Variants in CBR4 observed in about 807,000 individuals in gnomAD.
The protein encoded by CBR4 is carbonyl reductase 4, also known as 3-oxoacyl-[acyl-carrier-protein] reductase.
CBR4 carries 22 observed loss-of-function variants against 21.0 expected under a neutral mutation model. The ratio of observed to expected loss-of-function variants is 1.05; its 90% CI spans 0.75 to 1.50. The LOEUF is 1.50. Among genes scored for constraint, CBR4 ranks in the 40% most tolerant of loss-of-function variants. The probability of loss-of-function intolerance (pLI) is 0.00; values close to 1 mark genes in which losing one functional copy is unlikely to be tolerated. For synonymous variants in CBR4, 100 were observed against 104.4 expected, an observed-to-expected ratio of 0.96 and a Z score of 0.26; for missense variants, 302 against 286.3, an observed-to-expected ratio of 1.05 and a Z score of -0.40.
chr4:168,950,544 A>G (rs185083084), intron 2 of CBR4, among the ~76,000 whole-genome samples: 1 of 152,224 alleles, frequency 6.6e-6, no homozygotes, highest in South Asian at 2.1e-4. Flanking sequence ...AATTCCATGC[A>G]CTGCTGAATG....
At chr4:168,961,637 C>A (rs1314385106) in intron 2 of CBR4, among the ~76,000 whole-genome samples, 1 of 152,082 alleles carries the variant, frequency 6.6e-6, no homozygotes, top group Non-Finnish European at 1.5e-5. Context: ...TGCCTGTAAT[C>A]CCAGCACTTT....
At chr4:168,942,403 T>A (rs898213987) in intron 2 of CBR4, among the ~76,000 whole-genome samples, 13 of 147,390 alleles carry the variant, frequency 8.8e-5, no homozygotes, top group Non-Finnish European at 1.5e-4. Flanking sequence ...AAGTACAATT[T>A]AAAAAAAAAG....
chr4:168,979,323 A>AT (rs143788190), intron 2 of CBR4, among the ~76,000 whole-genome samples: 4,254 of 152,190 alleles, frequency 0.028, 192 homozygotes, highest in African/African-American at 0.097. Flanking sequence ...CTGGCTTGGA[A>AT]TGGAAAGAAG....
intron 2 of CBR4, among the ~76,000 whole-genome samples, chr4:168,919,578 A>T (rs1408080404): frequency 6.6e-6 from 1 of 152,100 alleles, no homozygotes; most frequent in Non-Finnish European, 1.5e-5. Flanking sequence ...TCAGGAAAAA[A>T]AAAAAGTTAG....
intron 2 of CBR4, among the ~76,000 whole-genome samples, chr4:168,980,184 G>C (rs991476972): frequency 2.6e-5 from 4 of 151,838 alleles, no homozygotes; most frequent in Admixed American, 2.6e-4. Flanking sequence ...GGGCTGCAGT[G>C]CCAAGCCTGG....
intron 2 of CBR4, among the ~76,000 whole-genome samples, chr4:168,979,434 A>C (rs1764473152): frequency 6.6e-6 from 1 of 152,082 alleles, no homozygotes; most frequent in Non-Finnish European, 1.5e-5. Context: ...GCTACTCCTT[A>C]CTACACAGGG....
intron 2 of CBR4, among the ~76,000 whole-genome samples, chr4:168,962,814 G>C (rs1763901480): frequency 6.6e-6 from 1 of 151,918 alleles, no homozygotes; most frequent in African/African-American, 2.4e-5. Context: ...GCAGAGTAAA[G>C]GAGCACATAA....
At chr4:168,943,226 C>T (rs1173257346) in intron 2 of CBR4, among the ~76,000 whole-genome samples, 3 of 152,174 alleles carry the variant, frequency 2.0e-5, no homozygotes, top group African/African-American at 4.8e-5. Context: ...TACAAAGCCG[C>T]TGACAAAAGG....
chr4:169,006,543 A>G (rs1252519311), intron 3 of CBR4, among the ~76,000 whole-genome samples: 1 of 152,194 alleles, frequency 6.6e-6, no homozygotes, highest in African/African-American at 2.4e-5. Flanking sequence ...TCTAGTACTC[A>G]GTGGTGTCAC....
chr4:168,981,126 G>A (rs1032811315), intron 2 of CBR4, among the ~76,000 whole-genome samples: 17 of 152,174 alleles, frequency 1.1e-4, no homozygotes, highest in Non-Finnish European at 2.1e-4. Context: ...CAGGCCAGGC[G>A]TGGTGGCTCG....
intron 2 of CBR4, among the ~76,000 whole-genome samples, chr4:168,949,632 A>G (rs1283982828): frequency 6.6e-6 from 1 of 152,138 alleles, no homozygotes; most frequent in Non-Finnish European, 1.5e-5. Flanking sequence ...CTGGCTTCAT[A>G]GAATGAATTA....
At chr4:168,956,817 C>A (rs573768614) in intron 2 of CBR4, among the ~76,000 whole-genome samples, 31 of 152,068 alleles carry the variant, frequency 2.0e-4, no homozygotes, top group South Asian at 4.2e-4. Context: ...AACTTGAAAC[C>A]AGAACTATCT....
intron 4 of CBR4, among the ~76,000 whole-genome samples, chr4:168,992,152 C>T (rs975563855): frequency 1.3e-5 from 2 of 152,156 alleles, no homozygotes; most frequent in Admixed American, 6.5e-5. Flanking sequence ...TATCATGAAG[C>T]TTATGAATGA....
intron 2 of CBR4, among the ~76,000 whole-genome samples, chr4:168,981,757 T>C (rs916285163): frequency 4.6e-5 from 7 of 152,218 alleles, no homozygotes; most frequent in African/African-American, 1.7e-4. Context: ...GGGGCTTATA[T>C]TCAGCATCCT....
intron 2 of CBR4, among the ~76,000 whole-genome samples, chr4:168,919,572 G>GA (rs1198277536): frequency 3.8e-3 from 543 of 144,008 alleles, no homozygotes; most frequent in Middle Eastern, 0.014. Context: ...GATAGATCAG[G>GA]AAAAAAAAAA....
intron 2 of CBR4, among the ~76,000 whole-genome samples, chr4:168,931,371 C>T (rs576710029): frequency 6.6e-6 from 1 of 152,264 alleles, no homozygotes; most frequent in East Asian, 1.9e-4. Flanking sequence ...GGCCCAATCC[C>T]AGCATACATG....
chr4:168,905,298 C>T (rs1757466967), intron 2 of CBR4, among the ~76,000 whole-genome samples: 1 of 150,882 alleles, frequency 6.6e-6, no homozygotes, highest in African/African-American at 2.4e-5. Flanking sequence ...CTACAGGCAC[C>T]CACCATGCCC....
chr4:169,002,322 C>G, intron 3 of CBR4, 117 bp from the exon 4 acceptor site: 1 of 1,071,118 alleles, frequency 9.3e-7, no homozygotes, highest in Non-Finnish European at 1.2e-6. Flanking sequence ...TCACCTTGTC[C>G]TTTGTTAAAA....
In CBR4 at chr4:168,989,166, G is replaced by C; in HGVS notation, c.*984C>G. On this transcript the variant is annotated 3_prime_UTR_variant, in exon 5 of 5. Transcript: ENST00000306193. ...TTCATACAGAATTTATTACTTTCTA[G>C]AATTTTGGGATAAGAATCATAATCA... The C allele has an allele frequency of 1.0e-6, 1 of 964,814 alleles. No homozygotes were observed. Among genetic ancestry groups the C allele is most frequent in the South Asian group, 4.8e-5 (1 of 20,832 alleles). The allele number at this position is 964,814 out of a possible 1,614,324, so 59.8% of individuals were successfully genotyped here.
Sources: allele counts gnomAD v4.1 joint callset (sites outside exome capture counted in the v4.1 genomes callset), GRCh38; gene constraint gnomAD v4.1.1; transcripts MANE v1.5; gene names NCBI Gene and HGNC (gene_info 2026-07-23, HGNC 2026-07-21).